Variants in ANXA13 observed in about 807,000 individuals in gnomAD.
ANXA13 encodes the protein annexin A13, also known as annexin XIII.
ANXA13 carries 36 observed loss-of-function variants against 46.6 expected under a neutral mutation model. That is an observed-to-expected ratio of 0.77 (90% confidence interval 0.59 to 1.02). ANXA13 has a LOEUF of 1.02. ANXA13 is among the 50% of genes least tolerant of loss of function. ANXA13 has a pLI of 0.00. For synonymous variants in ANXA13, 163 were observed against 152.9 expected (o/e 1.07, Z -0.49); for missense variants, 417 against 396.5 (o/e 1.05, Z -0.44).
rs1375721396 is a variant in ANXA13, at chr8:123,684,645, C to A, written c.796G>T (p.Glu266Ter). The change falls in exon 10 of 11, where the codon GAG becomes TAG. Residue 266 changes from glutamate to a stop codon, truncating the protein, a stop_gained. Coordinates refer to ENST00000419625, the MANE Select transcript of ANXA13 (RefSeq NM_004306.4). LOFTEE classifies it high-confidence loss of function. Reference sequence around the variant, plus strand: ...GTCACGACTATGCGAATCAACGTCTCCTCATCGGTCCCCGCACCCTTCATC... The same window carrying A: ...GTCACGACTATGCGAATCAACGTCTACTCATCGGTCCCCGCACCCTTCATC... ...KSMKGAGTDE[E>*]TLIRIVVTRA... The A allele has an allele frequency of 6.2e-7, 1 of 1,614,162 alleles. No homozygotes were observed.
At chr8:123,718,283 C>T (rs1335962396) in intron 1 of ANXA13, among the ~76,000 whole-genome samples, 1 of 152,202 alleles carries the variant, frequency 6.6e-6, no homozygotes, top group East Asian at 1.9e-4. Context: ...CCCTTTCCTG[C>T]TTGAGGAGTT....
At chr8:123,712,614 G>T in intron 2 of ANXA13, 64 bp downstream of exon 2, 1 of 1,397,418 alleles carries the variant, frequency 7.2e-7, no homozygotes, top group Non-Finnish European at 1.0e-6. Flanking sequence ...TCATGGGGAA[G>T]TTGGACATGA....
intron 4 of ANXA13, among the ~76,000 whole-genome samples, chr8:123,696,989 A>T (rs1249616389): frequency 6.6e-6 from 1 of 152,228 alleles, no homozygotes; most frequent in Non-Finnish European, 1.5e-5. Flanking sequence ...GGCTCACTGC[A>T]ACCTCCGCCT....
intron 3 of ANXA13, among the ~76,000 whole-genome samples, chr8:123,700,238 C>T (rs1397583584): frequency 1.3e-5 from 1 of 77,654 alleles, no homozygotes; most frequent in East Asian, 2.3e-4. Context: ...ATTTTCAGGC[C>T]AGATGGGCAT....
intron 2 of ANXA13, among the ~76,000 whole-genome samples, chr8:123,709,250 A>C (rs1330776846): frequency 1.3e-5 from 2 of 152,136 alleles, no homozygotes; most frequent in Non-Finnish European, 2.9e-5. Context: ...ATCCCTCTCC[A>C]TGTGAGGAGA....
At chr8:123,684,868 G>A (rs1037628319) in intron 9 of ANXA13, 146 bp from the exon 10 acceptor site, 29 of 629,872 alleles carry the variant, frequency 4.6e-5, no homozygotes, top group Admixed American at 5.5e-5. Flanking sequence ...ACACCGTTGC[G>A]AAATGAGATT....
chr8:123,681,585 CGT>C (rs1813038613), intron 10 of ANXA13, among the ~76,000 whole-genome samples: 1 of 149,794 alleles, frequency 6.7e-6, no homozygotes. Context: ...GAGGTGTCCA[CGT>C]GTGTGTGTGT....
chr8:123,688,833 C>T (rs758851032), intron 9 of ANXA13, 38 bp downstream of exon 9: 7 of 1,591,128 alleles, frequency 4.4e-6, no homozygotes, highest in African/African-American at 1.3e-5. Flanking sequence ...TTCCAGGCAG[C>T]CCAACCTAAG....
At chr8:123,701,730 A>C (rs1586322107) in intron 3 of ANXA13, among the ~76,000 whole-genome samples, 2 of 149,954 alleles carry the variant, frequency 1.3e-5, no homozygotes, top group Admixed American at 1.3e-4. Flanking sequence ...TGGATGTGAG[A>C]CTTGGATGTG....
intron 2 of ANXA13, among the ~76,000 whole-genome samples, chr8:123,704,826 T>G (rs1813511164): frequency 6.6e-6 from 1 of 152,214 alleles, no homozygotes. Flanking sequence ...TCCACTGGCC[T>G]TTTAAACTCG....
intron 8 of ANXA13, among the ~76,000 whole-genome samples, chr8:123,691,136 T>C (rs1177173898): frequency 6.6e-6 from 1 of 152,178 alleles, no homozygotes; most frequent in African/African-American, 2.4e-5. Flanking sequence ...AGAGCATAAA[T>C]AAATGGCAAA....
At chr8:123,685,632 G>T (rs1401549235) in intron 9 of ANXA13, among the ~76,000 whole-genome samples, 5 of 152,226 alleles carry the variant, frequency 3.3e-5, no homozygotes, top group African/African-American at 1.2e-4. Flanking sequence ...GGCTGTTGTT[G>T]TCTAGGGGAC....
At chr8:123,709,085 A>G (rs149869791) in intron 2 of ANXA13, among the ~76,000 whole-genome samples, 134 of 152,240 alleles carry the variant, frequency 8.8e-4, no homozygotes, top group African/African-American at 3.1e-3. Context: ...AACCCAGTTC[A>G]CCCTGAGTGA....
At chr8:123,733,666 C>A (rs914262546) in intron 1 of ANXA13, among the ~76,000 whole-genome samples, 8 of 152,248 alleles carry the variant, frequency 5.3e-5, no homozygotes, top group Admixed American at 5.2e-4. Context: ...TGTGCAATGA[C>A]CATCTGCCTT....
chr8:123,682,933 G>A (rs1006929020), intron 10 of ANXA13, among the ~76,000 whole-genome samples: 1 of 152,208 alleles, frequency 6.6e-6, no homozygotes, highest in African/African-American at 2.4e-5. Flanking sequence ...GAGTGATCAC[G>A]GAACCCTCAC....
intron 10 of ANXA13, among the ~76,000 whole-genome samples, chr8:123,682,775 G>T (rs779128669): frequency 1.6e-4 from 24 of 152,194 alleles, no homozygotes; most frequent in Non-Finnish European, 3.1e-4. Flanking sequence ...GGCTTTGGGA[G>T]ATTAGGAAAT....
intron 6 of ANXA13, among the ~76,000 whole-genome samples, chr8:123,694,117 C>T (rs181330883): frequency 1.8e-3 from 279 of 152,126 alleles, no homozygotes; most frequent in Non-Finnish European, 1.2e-3. Flanking sequence ...GATTTCACCA[C>T]TCAAGGTCCC....
At chr8:123,707,701 CA>C (rs1424895889) in intron 2 of ANXA13, among the ~76,000 whole-genome samples, 23 of 151,830 alleles carry the variant, frequency 1.5e-4, no homozygotes, top group Non-Finnish European at 3.1e-4. Context: ...GTCAGGGGGT[CA>C]GGGGCAAGGG....
chr8:123,720,753 T>C (rs1813851620), intron 1 of ANXA13, among the ~76,000 whole-genome samples: 1 of 151,710 alleles, frequency 6.6e-6, no homozygotes, highest in Non-Finnish European at 1.5e-5. Context: ...ACTTTATATT[T>C]AAAAATTTTT....
Sources: allele counts gnomAD v4.1 joint callset (sites outside exome capture counted in the v4.1 genomes callset), GRCh38; gene constraint gnomAD v4.1.1; transcripts MANE v1.5; gene names NCBI Gene and HGNC (gene_info 2026-07-23, HGNC 2026-07-21).